ZNF385D: variants seen among roughly 807,000 people sequenced by gnomAD.
The protein encoded by ZNF385D is zinc finger protein 385D.
ZNF385D carries 15 observed loss-of-function variants against 35.8 expected under a neutral mutation model. The observed-to-expected ratio is 0.42, with a 90% CI of 0.28 to 0.64. The LOEUF (loss-of-function observed/expected upper bound fraction) is 0.64. Among genes scored for constraint, ZNF385D ranks in the 30% least tolerant of loss-of-function variants. The pLI, the probability that ZNF385D is intolerant of heterozygous loss-of-function variation, is 0.23. For missense variants in ZNF385D, 474 were observed against 494.6 expected (o/e 0.96, Z 0.39); for synonymous variants, 212 against 186.8 (o/e 1.13, Z -1.10).
intron 2 of ZNF385D, among the ~76,000 whole-genome samples, chr3:21,582,586 G>C (rs980151946): frequency 1.3e-5 from 2 of 152,112 alleles, no homozygotes; most frequent in Non-Finnish European, 2.9e-5. Flanking sequence ...TGTTCAGCAA[G>C]ACGTTCTCAG....
intron 3 of ZNF385D, among the ~76,000 whole-genome samples, chr3:21,516,627 C>A (rs777696598): frequency 1.3e-5 from 2 of 152,098 alleles, no homozygotes; most frequent in African/African-American, 4.8e-5. Context: ...ATACTTTTTT[C>A]CTTGTTTCAG....
At chr3:22,177,312 A>C (rs564242970) in intron 2 of ZNF385D, among the ~76,000 whole-genome samples, 1 of 152,198 alleles carries the variant, frequency 6.6e-6, no homozygotes, top group Non-Finnish European at 1.5e-5. Context: ...AGCTTACATA[A>C]AACTTAAGAA....
At chr3:22,062,684 CTTTTCAGGAGTAGAGTGTAGTAGAATTAA>C (rs1156959113) in intron 3 of ZNF385D, among the ~76,000 whole-genome samples, 11 of 152,160 alleles carry the variant, frequency 7.2e-5, no homozygotes, top group Non-Finnish European at 2.9e-5. Flanking sequence ...TAGTGACCTG[CTTTTCAGGAGTAGAGTGTAGTAGAATTAA>C]CAATGTATGG....
chr3:21,718,456 G>C (rs1194502398), intron 1 of ZNF385D, among the ~76,000 whole-genome samples: 1 of 152,166 alleles, frequency 6.6e-6, no homozygotes, highest in East Asian at 1.9e-4. Flanking sequence ...TGATAACAAC[G>C]AAAGCCAGTA....
chr3:21,539,598 T>G lies in ZNF385D; in HGVS notation c.276+24976A>C, dbSNP rs2062123615. ...TAAAATGATTCTCTAAATTATTGTT[T>G]CAGATTTTATAAAGTGATAAAAATA... is the stretch of plus-strand genomic sequence containing the variant. On this transcript the variant is annotated intron_variant, in intron 3 of 7. Transcript: ENST00000281523. This position sits in a 1 kb window ranked among gnomAD's most constrained non-coding sequence, Gnocchi z 4.0. Among the ~76,000 whole-genome samples the G allele has an allele frequency of 6.6e-6, 1 of 152,154 alleles. No homozygotes were observed. Among genetic ancestry groups the G allele is most frequent in the African/African-American group, 2.4e-5 (1 of 41,464 alleles).
At chr3:21,428,942 T>TTTC (rs1397819457) in intron 5 of ZNF385D, among the ~76,000 whole-genome samples, 1 of 147,178 alleles carries the variant, frequency 6.8e-6, no homozygotes, top group Non-Finnish European at 1.5e-5. Flanking sequence ...CCTTTTTTTT[T>TTTC]TTTGCTTTCT....
chr3:22,180,235 G>A (rs1405415334), intron 2 of ZNF385D, among the ~76,000 whole-genome samples: 1 of 152,172 alleles, frequency 6.6e-6, no homozygotes, highest in East Asian at 1.9e-4. Flanking sequence ...GACTAAACCA[G>A]GAAGAAGTTG....
intron 3 of ZNF385D, among the ~76,000 whole-genome samples, chr3:21,777,067 T>A (rs907437581): frequency 6.6e-6 from 1 of 152,020 alleles, no homozygotes. Flanking sequence ...TGGGACCGTG[T>A]TGCCAATAAT....
intron 1 of ZNF385D, among the ~76,000 whole-genome samples, chr3:21,737,685 T>A (rs1434801902): frequency 6.6e-6 from 1 of 152,200 alleles, no homozygotes; most frequent in Non-Finnish European, 1.5e-5. Flanking sequence ...ACAAAAATAT[T>A]CTATTGAACA....
intron 3 of ZNF385D, among the ~76,000 whole-genome samples, chr3:21,997,313 C>G (rs915945562): frequency 2.6e-5 from 4 of 151,992 alleles, no homozygotes; most frequent in Non-Finnish European, 2.9e-5. Flanking sequence ...ACACTTTGGA[C>G]ACAGGGTGGG....
intron 2 of ZNF385D, among the ~76,000 whole-genome samples, chr3:22,303,258 A>G (rs926088624): frequency 2.6e-5 from 4 of 152,140 alleles, no homozygotes; most frequent in Admixed American, 6.6e-5. Context: ...GTCTTACTTC[A>G]CAGTAAACTG....
rs71901814 is a variant in ZNF385D, at chr3:21,786,022, CT to C, written c.326-120995del. On this transcript the variant is annotated intron_variant, in intron 3 of 5. Coordinates refer to the ZNF385D transcript ENST00000494108. Reference sequence around the variant, plus strand: ...TTATCCCAAGTGCTGTTACTTTACCCTTTTTTTTTTTACCATGTGACTTCAT... The same window carrying C: ...TTATCCCAAGTGCTGTTACTTTACCCTTTTTTTTTTACCATGTGACTTCAT... 7.7e-3 allele frequency among the ~76,000 whole-genome samples: 1,142 copies of C among 148,528 alleles called. 21 individuals are homozygous for C. The highest frequency in any genetic ancestry group is 0.025 in the African/African-American group (1,023 of 40,650).
At chr3:21,963,654 T>C (rs1013368548) in intron 3 of ZNF385D, among the ~76,000 whole-genome samples, 8 of 152,214 alleles carry the variant, frequency 5.3e-5, no homozygotes, top group African/African-American at 1.9e-4. Context: ...TAAGTTATAA[T>C]ACAATGAATA....
At chr3:21,808,094 A>C (rs1389511689) in intron 3 of ZNF385D, among the ~76,000 whole-genome samples, 1 of 152,208 alleles carries the variant, frequency 6.6e-6, no homozygotes, top group Non-Finnish European at 1.5e-5. Context: ...AAGAGACCGG[A>C]AGCCAAAGCA....
chr3:21,619,329 G>C (rs2064936186), intron 2 of ZNF385D, among the ~76,000 whole-genome samples: 1 of 152,050 alleles, frequency 6.6e-6, no homozygotes, highest in African/African-American at 2.4e-5. Flanking sequence ...TGTTGTGTGT[G>C]GGTACAATGC....
intron 2 of ZNF385D, among the ~76,000 whole-genome samples, chr3:22,210,240 AT>A (rs555970372): frequency 2.6e-4 from 40 of 152,010 alleles, no homozygotes; most frequent in Non-Finnish European, 5.5e-4. Context: ...TTAAACACAT[AT>A]CATTTTTACA....
rs923132111 is a variant in ZNF385D at position 21,412,782 on chromosome 3, G to T, written c.*8432C>A. 6 of 152,112 alleles carry T rather than the reference G, an allele frequency of 3.9e-5. No individual in the cohort carries two copies. The South Asian group carries it at 1.0e-3, about 26-fold the overall frequency. The allele number at this position is 152,112 out of a possible 1,614,324, so 9.4% of individuals were successfully genotyped here. A position where few individuals can be genotyped will look rare whatever the true frequency, so the allele number is the denominator to read the frequency against. On this transcript the variant is annotated 3_prime_UTR_variant, in exon 8 of 8. Transcript: ENST00000281523. The stretch of plus-strand genomic sequence containing the variant: ...TCCTAATAAAAATAAATATTAATTT[G>T]TTCACAGCTGCAAGTTTAACTTAGT...
intron 1 of ZNF385D, among the ~76,000 whole-genome samples, chr3:21,748,943 GGTGGGCTCCCAAAGTT>G (rs563900069): frequency 2.9e-4 from 44 of 152,164 alleles, no homozygotes; most frequent in Admixed American, 2.4e-3. Context: ...TTTAGAGACA[GGTGGGCTCCCAAAGTT>G]GTGGATATCT....
chr3:22,150,827 T>A (rs941038249), intron 3 of ZNF385D, among the ~76,000 whole-genome samples: 1 of 152,140 alleles, frequency 6.6e-6, no homozygotes, highest in Non-Finnish European at 1.5e-5. Flanking sequence ...ACCCATATAA[T>A]CATGTGTAGA....
Sources: allele counts gnomAD v4.1 joint callset (sites outside exome capture counted in the v4.1 genomes callset), GRCh38; gene constraint gnomAD v4.1.1; non-coding constraint Gnocchi (gnomAD v3.1); transcripts MANE v1.5; gene names NCBI Gene and HGNC (gene_info 2026-07-23, HGNC 2026-07-21).